The following CACNA2D3 variants were observed in gnomAD, a reference collection of about 807,000 sequenced individuals.
CACNA2D3 encodes voltage-dependent calcium channel subunit alpha-2/delta-3.
Under a neutral mutation model 160.6 loss-of-function variants are expected in CACNA2D3, and 60 were observed. The ratio of observed to expected loss-of-function variants is 0.37; its 90% CI spans 0.30 to 0.46. The LOEUF is 0.46. Among genes scored for constraint, CACNA2D3 ranks in the 20% least tolerant of loss-of-function variants. The pLI is 1.00. For synonymous variants in CACNA2D3, 558 were observed against 492.9 expected (o/e 1.13, Z -1.75); for missense variants, 1,205 against 1,365.0 (o/e 0.88, Z 1.85).
At chr3:54,134,501 A>G (rs1419854316) in intron 2 of CACNA2D3, among the ~76,000 whole-genome samples, 1 of 152,184 alleles carries the variant, frequency 6.6e-6, no homozygotes. Context: ...CATGCTAGTG[A>G]TGGAAATAAG....
At chr3:54,220,966 C>G (rs1701557056) in intron 2 of CACNA2D3, among the ~76,000 whole-genome samples, 1 of 152,128 alleles carries the variant, frequency 6.6e-6, no homozygotes, top group Non-Finnish European at 1.5e-5. Flanking sequence ...GCCTACGAGG[C>G]CTTGGGTGGG....
chr3:54,295,140 C>T (rs999483262), intron 2 of CACNA2D3, among the ~76,000 whole-genome samples: 10 of 152,212 alleles, frequency 6.6e-5, no homozygotes, highest in African/African-American at 2.2e-4. Flanking sequence ...TTAGAAAACC[C>T]TGGAGGTGTA....
At chr3:54,447,602 G>T (rs1389860605) in intron 4 of CACNA2D3, among the ~76,000 whole-genome samples, 2 of 152,230 alleles carry the variant, frequency 1.3e-5, no homozygotes. Flanking sequence ...TTGAATGATG[G>T]CAGGAGGACA....
intron 17 of CACNA2D3, among the ~76,000 whole-genome samples, chr3:54,865,235 C>T (rs752576298): frequency 1.3e-5 from 2 of 152,162 alleles, no homozygotes; most frequent in Non-Finnish European, 2.9e-5. Flanking sequence ...CAGGTGCCGA[C>T]GCCGGTGTGG....
At chr3:54,252,864 C>T (rs1250165907) in intron 2 of CACNA2D3, among the ~76,000 whole-genome samples, 1 of 141,950 alleles carries the variant, frequency 7.0e-6, no homozygotes, top group East Asian at 2.0e-4. Flanking sequence ...AGAAGTGCAG[C>T]AGGATTAAGC....
chr3:54,262,409 G>T (rs1160836948), intron 2 of CACNA2D3, among the ~76,000 whole-genome samples: 1 of 152,180 alleles, frequency 6.6e-6, no homozygotes, highest in Non-Finnish European at 1.5e-5. Flanking sequence ...GGACCCACAA[G>T]AGGGAAGCTA....
At chr3:54,677,747 C>G (rs1202669103) in intron 11 of CACNA2D3, among the ~76,000 whole-genome samples, 3 of 151,882 alleles carry the variant, frequency 2.0e-5, no homozygotes, top group Non-Finnish European at 4.4e-5. Flanking sequence ...GGAACATAGT[C>G]AAGTCTCTGA....
intron 5 of CACNA2D3, among the ~76,000 whole-genome samples, chr3:54,503,988 A>G (rs1468532907): frequency 6.6e-6 from 1 of 152,210 alleles, no homozygotes; most frequent in African/African-American, 2.4e-5. Flanking sequence ...TCTGCTGTTC[A>G]GGCACAAAAG....
In CACNA2D3 at chr3:54,846,412, C is replaced by T. The variant is rs1253717267; in HGVS notation, c.1571C>T (p.Ala524Val). 6 of 1,606,096 alleles carry T rather than the reference C, an allele frequency of 3.7e-6. No individual in the cohort carries two copies. Among genetic ancestry groups the T allele is most frequent in the Middle Eastern group, 1.7e-4 (1 of 6,054 alleles). Reference sequence around the variant, plus strand: ...TTACAGTTAGGGATTCACGGTTATGCCTTTGCAATCACAAATAATGGATAT... The same window carrying T: ...TTACAGTTAGGGATTCACGGTTATGTCTTTGCAATCACAAATAATGGATAT... ...PKYKLGIHGYAFAITNNGYIL... is the reference protein window; with the variant it reads ...PKYKLGIHGYVFAITNNGYIL... Residue 524 changes from alanine to valine, a missense_variant, in exon 17 of 38, where the codon GCC (alanine) becomes GTC (valine). Physicochemically the swap from Ala to Val is moderately conservative, Grantham distance 64. This residue lies in a region of CACNA2D3 where 911 missense variants were observed against 1,002.2 expected (regional missense o/e 0.91). Coordinates refer to ENST00000474759, the MANE Select transcript of CACNA2D3 (RefSeq NM_018398.3).
intron 17 of CACNA2D3, among the ~76,000 whole-genome samples, chr3:54,868,723 A>G (rs1699459232): frequency 6.6e-6 from 1 of 152,182 alleles, no homozygotes; most frequent in South Asian, 2.1e-4. Flanking sequence ...CATCATAGTC[A>G]ACAAACAGCT....
intron 11 of CACNA2D3, among the ~76,000 whole-genome samples, chr3:54,742,147 G>A (rs981302919): frequency 2.6e-5 from 4 of 152,172 alleles, no homozygotes; most frequent in Admixed American, 1.3e-4. Flanking sequence ...GGCTGGGTGC[G>A]GTGGCTCATG....
At chr3:54,184,231 C>T (rs914098695) in intron 2 of CACNA2D3, among the ~76,000 whole-genome samples, 18 of 152,308 alleles carry the variant, frequency 1.2e-4, no homozygotes, top group South Asian at 2.1e-4. Flanking sequence ...GAACATTTGG[C>T]GCACACTTGA....
intron 11 of CACNA2D3, among the ~76,000 whole-genome samples, chr3:54,747,827 C>T (rs1701783451): frequency 6.6e-6 from 1 of 152,156 alleles, no homozygotes; most frequent in South Asian, 2.1e-4. Flanking sequence ...TGATCATATG[C>T]CATCTTATCA....
chr3:54,419,912 C>T (rs537279343), intron 4 of CACNA2D3, among the ~76,000 whole-genome samples: 128 of 152,048 alleles, frequency 8.4e-4, no homozygotes, highest in South Asian at 1.5e-3. Context: ...ACTACAGGTG[C>T]GCGCCACCAT....
chr3:54,868,533 T>C (rs1025203581), intron 17 of CACNA2D3, among the ~76,000 whole-genome samples: 1 of 152,170 alleles, frequency 6.6e-6, no homozygotes, highest in African/African-American at 2.4e-5. Context: ...AAAAAACGAA[T>C]AAAGACATTT....
chr3:54,806,951 G>C (rs573018874), intron 13 of CACNA2D3, among the ~76,000 whole-genome samples: 5 of 152,274 alleles, frequency 3.3e-5, no homozygotes, highest in African/African-American at 1.2e-4. Context: ...TAAGCAATGG[G>C]GAAAGGAATC....
intron 35 of CACNA2D3, among the ~76,000 whole-genome samples, chr3:55,025,027 C>T (rs1308038660): frequency 6.6e-6 from 1 of 152,100 alleles, no homozygotes; most frequent in African/African-American, 2.4e-5. Context: ...CTCTATGAGG[C>T]GGCCAGTATC....
intron 11 of CACNA2D3, among the ~76,000 whole-genome samples, chr3:54,714,434 T>G (rs183638403): frequency 2.8e-4 from 43 of 152,268 alleles, no homozygotes; most frequent in Admixed American, 7.8e-4. Context: ...AGAACAAGCC[T>G]TAGGATTCAG....
chr3:54,482,917 G>A (rs988822234), intron 4 of CACNA2D3, among the ~76,000 whole-genome samples: 1 of 152,152 alleles, frequency 6.6e-6, no homozygotes, highest in African/African-American at 2.4e-5. Flanking sequence ...CAACCCATTG[G>A]CCAAACCAGT....
Sources: allele counts gnomAD v4.1 joint callset (sites outside exome capture counted in the v4.1 genomes callset), GRCh38; gene constraint gnomAD v4.1.1; regional missense constraint gnomAD v4.1.1; transcripts MANE v1.5; gene names NCBI Gene and HGNC (gene_info 2026-07-23, HGNC 2026-07-21).